SLC39A11: variants seen among roughly 807,000 people sequenced by gnomAD.
SLC39A11 encodes the protein zinc transporter ZIP11.
Under a neutral mutation model 36.1 loss-of-function variants are expected in SLC39A11, and 33 were observed. The observed-to-expected ratio is 0.91, with a 90% CI of 0.69 to 1.22. The LOEUF is 1.22. Among genes scored for constraint, SLC39A11 ranks in the 50% most tolerant of loss-of-function variants. SLC39A11 has a pLI of 0.00. For synonymous variants in SLC39A11, 166 were observed against 170.3 expected (o/e 0.97, Z 0.20); for missense variants, 432 against 430.3 (o/e 1.00, Z -0.03).
intron 6 of SLC39A11, among the ~76,000 whole-genome samples, chr17:72,757,331 A>G (rs2075394714): frequency 1.3e-5 from 2 of 152,178 alleles, no homozygotes; most frequent in South Asian, 4.1e-4. Flanking sequence ...ATTTGACTCA[A>G]TGACCCTGAA....
At chr17:72,711,657 C>T (rs928207345) in intron 7 of SLC39A11, among the ~76,000 whole-genome samples, 13 of 152,340 alleles carry the variant, frequency 8.5e-5, no homozygotes, top group Admixed American at 2.6e-4. Flanking sequence ...CATGGGGCAA[C>T]AGCTTCCTGG....
At chr17:72,831,399 T>C (rs1382795053) in intron 6 of SLC39A11, among the ~76,000 whole-genome samples, 1 of 152,192 alleles carries the variant, frequency 6.6e-6, no homozygotes, top group East Asian at 1.9e-4. Context: ...ATCTGGTACC[T>C]TTATTTCTCA....
chr17:72,771,743 T>C (rs2075954652), intron 6 of SLC39A11, among the ~76,000 whole-genome samples: 1 of 152,198 alleles, frequency 6.6e-6, no homozygotes. Flanking sequence ...CGATGTGTGA[T>C]TTACAAAGAA....
At chr17:72,697,085 ATTCTTT>A in intron 7 of SLC39A11, among the ~76,000 whole-genome samples, 1 of 152,142 alleles carries the variant, frequency 6.6e-6, no homozygotes, top group African/African-American at 2.4e-5. Flanking sequence ...CATATTTCTT[ATTCTTT>A]TTCTTTTTTT....
intron 2 of SLC39A11, among the ~76,000 whole-genome samples, chr17:73,087,053 C>T (rs1384988953): frequency 1.3e-5 from 2 of 150,362 alleles, no homozygotes; most frequent in South Asian, 2.1e-4. Context: ...AAGACTCTGT[C>T]TAAAGAAAAA....
intron 3 of SLC39A11, among the ~76,000 whole-genome samples, chr17:73,077,643 A>G (rs529915717): frequency 6.6e-6 from 1 of 152,170 alleles, no homozygotes; most frequent in Non-Finnish European, 1.5e-5. Context: ...ACAATTTTAG[A>G]AAAGTAAATC....
intron 3 of SLC39A11, among the ~76,000 whole-genome samples, chr17:73,032,808 A>T (rs2058780004): frequency 6.6e-6 from 1 of 152,232 alleles, no homozygotes; most frequent in African/African-American, 2.4e-5. Flanking sequence ...TTTATTGATC[A>T]CTTGGTATTT....
chr17:72,837,486 A>T (rs2078612717), intron 6 of SLC39A11, among the ~76,000 whole-genome samples: 2 of 152,170 alleles, frequency 1.3e-5, no homozygotes, highest in Non-Finnish European at 1.5e-5. Flanking sequence ...GAAGGAACTT[A>T]ACAAAAAGAA....
Position 72,647,644 on chromosome 17 carries a change from T to G in SLC39A11, c.948A>C (p.Ala316=), listed in dbSNP as rs2069616746. The G allele has an allele frequency of 6.2e-7, 1 of 1,613,988 alleles. No individual in the cohort carries two copies. Among genetic ancestry groups the G allele is most frequent in the African/African-American group, 1.3e-5 (1 of 75,036 alleles). ...EAQISGNGKL[A]SWASILGFVV... Reference sequence around the variant, plus strand: ...CAAATCCCAGGATGGAGGCCCAGGATGCCAGTTTCCCATTACCACTGGAAG... The same window carrying G: ...CAAATCCCAGGATGGAGGCCCAGGAGGCCAGTTTCCCATTACCACTGGAAG... Residue 316 remains alanine, a synonymous_variant, in exon 10 of 10, where the codon GCA becomes GCC. Coordinates refer to ENST00000255559, the MANE Select transcript of SLC39A11 (RefSeq NM_139177.4).
intron 5 of SLC39A11, among the ~76,000 whole-genome samples, chr17:72,945,986 G>A (rs900704456): frequency 6.6e-6 from 1 of 152,156 alleles, no homozygotes; most frequent in Non-Finnish European, 1.5e-5. Flanking sequence ...TTATACCCTA[G>A]AGAAGACTCA....
chr17:72,939,852 C>G (rs1300710075), intron 5 of SLC39A11, among the ~76,000 whole-genome samples: 2 of 152,122 alleles, frequency 1.3e-5, no homozygotes, highest in Admixed American at 1.3e-4. Context: ...TCTGAAGGGA[C>G]CAGAGTGTTT....
chr17:72,996,232 G>A (rs890413198), intron 4 of SLC39A11, among the ~76,000 whole-genome samples: 2 of 152,122 alleles, frequency 1.3e-5, no homozygotes, highest in Admixed American at 1.3e-4. Context: ...TCTCGGCCCC[G>A]TCTCTTACCG....
At chr17:73,007,840 C>G (rs1282300722) in intron 4 of SLC39A11, among the ~76,000 whole-genome samples, 1 of 152,220 alleles carries the variant, frequency 6.6e-6, no homozygotes, top group African/African-American at 2.4e-5. Flanking sequence ...CAGTGGCTCA[C>G]GCCTATAATC....
chr17:72,853,950 C>A (rs2146085248), intron 5 of SLC39A11, among the ~76,000 whole-genome samples: 1 of 152,116 alleles, frequency 6.6e-6, no homozygotes, highest in Admixed American at 6.5e-5. Flanking sequence ...CGTGAGGTTT[C>A]TTGAAATTGG....
rs150126902 is a variant in SLC39A11, at chr17:72,891,928, A to G, written c.431-42124T>C. On this transcript the variant is annotated intron_variant, in intron 5 of 9. Coordinates refer to ENST00000255559, the MANE Select transcript of SLC39A11 (RefSeq NM_139177.4). ...GCCTGGGGCATTACTGTTCTGTGCT[A>G]TGCACTTCTGCAGCCTCAGGGCCTA... Among the ~76,000 whole-genome samples the G allele has an allele frequency of 3.0e-3, 452 of 152,230 alleles. 1 individual carries two copies. The highest frequency in any genetic ancestry group is 9.3e-3 in the African/African-American group (386 of 41,566).
At chr17:72,755,783 C>T (rs2075349297) in intron 6 of SLC39A11, among the ~76,000 whole-genome samples, 1 of 152,190 alleles carries the variant, frequency 6.6e-6, no homozygotes, top group Non-Finnish European at 1.5e-5. Context: ...CCCCAAAATT[C>T]AGGACACAGG....
intron 4 of SLC39A11, among the ~76,000 whole-genome samples, chr17:73,005,026 C>T (rs976744764): frequency 2.8e-4 from 42 of 152,156 alleles, no homozygotes; most frequent in East Asian, 1.3e-3. Flanking sequence ...AACAGAGTCT[C>T]GCTCCTTCCC....
rs150539423 is a variant in SLC39A11 at position 72,704,856 on chromosome 17, G to T, written c.671+31794C>A. 1.8e-3 allele frequency among the ~76,000 whole-genome samples: 274 copies of T among 152,330 alleles called. 1 individual carries two copies. The highest frequency in any genetic ancestry group is 6.3e-3 in the African/African-American group (260 of 41,560). ...CAGTGATTGGTCCAAGAGGGAGTAA[G>T]TGGCCCAAGTTGGTCTATTAGGATT... On this transcript the variant is annotated intron_variant, in intron 7 of 9. Transcript: ENST00000255559.
At chr17:72,689,089 C>A (rs975082288) in intron 7 of SLC39A11, among the ~76,000 whole-genome samples, 3 of 152,122 alleles carry the variant, frequency 2.0e-5, no homozygotes, top group South Asian at 2.1e-4. Flanking sequence ...GGACCCCTCC[C>A]GAGCCCCTTG....
Sources: gnomAD v4.1 joint callset for allele counts (sites outside exome capture counted in the v4.1 genomes callset) on GRCh38, gnomAD v4.1.1 for gene constraint, MANE v1.5 for transcripts, NCBI Gene and HGNC (gene_info 2026-07-23, HGNC 2026-07-21) for gene names.